The following FAM20A variants were observed in gnomAD, a reference collection of about 807,000 sequenced individuals.
FAM20A encodes FAM20A golgi associated secretory pathway pseudokinase.
Under a neutral mutation model 52.0 loss-of-function variants are expected in FAM20A, and 42 were observed. The observed-to-expected ratio is 0.81, with a 90% CI of 0.63 to 1.04. The LOEUF is 1.04. Among genes scored for constraint, FAM20A ranks in the 50% least tolerant of loss-of-function variants. The pLI is 0.00. For missense variants in FAM20A, 742 were observed against 712.7 expected (o/e 1.04, Z -0.47); for synonymous variants, 304 against 298.9 (o/e 1.02, Z -0.18).
intron 1 of FAM20A, among the ~76,000 whole-genome samples, chr17:68,583,285 A>G (rs1286333854): frequency 6.6e-6 from 1 of 152,178 alleles, no homozygotes; most frequent in Non-Finnish European, 1.5e-5. Flanking sequence ...GGCGTAAATA[A>G]CAAAAAATTC....
At chr17:68,593,325 G>C (rs1157972621) in intron 1 of FAM20A, among the ~76,000 whole-genome samples, 4 of 152,222 alleles carry the variant, frequency 2.6e-5, no homozygotes, top group Non-Finnish European at 4.4e-5. Context: ...AGCAGGGATA[G>C]CTTTGGCTAA....
In FAM20A at chr17:68,551,067, G is replaced by A. The variant is rs146572580; in HGVS notation, c.719+806C>T. The A allele has an allele frequency of 4.6e-4, 569 of 1,234,280 alleles. 1 individual carries two copies. Among genetic ancestry groups the A allele is most frequent in the Middle Eastern group, 2.7e-3 (13 of 4,840 alleles). The allele number at this position is 1,234,280 out of a possible 1,614,324, so 76.5% of individuals were successfully genotyped here. ...TGGGTAACGTGGCCCCTCTTGGGGC[G>A]ATTTTCTTTTCTGCAGGTCACCTCA... On this transcript the variant is annotated intron_variant, in intron 4 of 10. Transcript: ENST00000592554.
intron 4 of FAM20A, among the ~76,000 whole-genome samples, chr17:68,547,014 T>C (rs949729388): frequency 6.7e-6 from 1 of 149,914 alleles, no homozygotes; most frequent in African/African-American, 2.5e-5. Context: ...AGGAATCTTT[T>C]TTTTTTTCTT....
intron 4 of FAM20A, among the ~76,000 whole-genome samples, chr17:68,549,545 G>C (rs564629882): frequency 3.4e-4 from 51 of 149,998 alleles, no homozygotes; most frequent in African/African-American, 1.2e-3. Context: ...TAAAAATTTT[G>C]CTCGGAGAAC....
At chr17:68,553,406 C>T (rs1308978695) in intron 3 of FAM20A, among the ~76,000 whole-genome samples, 1 of 152,190 alleles carries the variant, frequency 6.6e-6, no homozygotes, top group Non-Finnish European at 1.5e-5. Flanking sequence ...TACATTTTGA[C>T]ACACACCATC....
intron 4 of FAM20A, among the ~76,000 whole-genome samples, chr17:68,548,304 C>T (rs985963498): frequency 1.3e-5 from 2 of 151,514 alleles, no homozygotes; most frequent in African/African-American, 2.4e-5. Flanking sequence ...CTGAGGTGGG[C>T]GGATCACCTG....
At chr17:68,554,374 T>TCCCC (rs2086994931) in intron 3 of FAM20A, among the ~76,000 whole-genome samples, 1 of 152,208 alleles carries the variant, frequency 6.6e-6, no homozygotes, top group African/African-American at 2.4e-5. Flanking sequence ...GTGCTGGGAT[T>TCCCC]ACAGGTGTGA....
intron 1 of FAM20A, among the ~76,000 whole-genome samples, chr17:68,592,352 A>T (rs1411062323): frequency 7.2e-5 from 11 of 152,238 alleles, no homozygotes; most frequent in Non-Finnish European, 1.3e-4. Context: ...ATTTATGAGT[A>T]TTCAGCCACT....
At position 68,541,301 on chromosome 17, in the gene FAM20A, C is replaced by G. The variant is rs1380475004; in HGVS notation, c.1110-343G>C. ...TCCCTCTCACCAAGCCTCTTGGACC[C>G]TGCGCCACTCATAGCACCTCCATGG... On this transcript the variant is annotated intron_variant, in intron 7 of 10. Transcript: ENST00000592554. 8.7e-6 allele frequency: 3 copies of G among 343,218 alleles called. No homozygotes were observed. In the Admixed American group the frequency reaches 1.2e-4, roughly 14 times the overall value. 21.3% of individuals were successfully genotyped at this position (343,218 alleles called of 1,614,324 possible).
chr17:68,565,383 C>CTTTTTTTTTTTTTTT (rs796800181), intron 1 of FAM20A, among the ~76,000 whole-genome samples: 13 of 103,796 alleles, frequency 1.3e-4, no homozygotes, highest in African/African-American at 4.8e-4. Flanking sequence ...CCATTACCTC[C>CTTTTTTTTTTTTTTT]TTTTTTTTTT....
chr17:68,557,958 G>A (rs7208686), intron 1 of FAM20A, among the ~76,000 whole-genome samples: 24,516 of 152,130 alleles, frequency 0.16, 2,029 homozygotes, highest in South Asian at 0.18. Flanking sequence ...ATTATGCTGC[G>A]TTGATGGCAT....
Position 68,600,700 on chromosome 17 carries a change from C to G in FAM20A, c.-34G>C, listed in dbSNP as rs1404143511. The G allele has an allele frequency of 6.6e-7, 1 of 1,525,902 alleles. No individual in the cohort carries two copies. Among genetic ancestry groups the G allele is most frequent in the South Asian group, 1.2e-5 (1 of 83,164 alleles). 94.5% of individuals were successfully genotyped at this position (1,525,902 alleles called of 1,614,324 possible). A position where few individuals can be genotyped will look rare whatever the true frequency, so the allele number is the denominator to read the frequency against. ...GGCCAAGGGGGACGCCGGGGGCAGG[C>G]CGGCTGTCTCCGGGGTCCCGGGAGG... On this transcript the variant is annotated 5_prime_UTR_variant, in exon 1 of 11. Coordinates refer to ENST00000592554, the MANE Select transcript of FAM20A (RefSeq NM_017565.4). This position sits in a 1 kb window ranked among gnomAD's most constrained non-coding sequence, Gnocchi z 6.2.
intron 5 of FAM20A, 29 bp downstream of exon 5, chr17:68,543,600 A>G (rs1278470546): frequency 6.2e-7 from 1 of 1,601,848 alleles, no homozygotes; most frequent in Non-Finnish European, 8.6e-7. Context: ...CCTTATAGGC[A>G]ATGCCATCTC....
rs1456863388 is a variant in FAM20A at position 68,600,874 on chromosome 17, T to C, written c.-208A>G. ...CCAGGTGCACGGAGCACCGGGGCTCTCGGAGTCAGCGGGCGTCGCTTCTCC... is the reference window on the plus strand; with the variant it reads ...CCAGGTGCACGGAGCACCGGGGCTCCCGGAGTCAGCGGGCGTCGCTTCTCC... On this transcript the variant is annotated 5_prime_UTR_variant, in exon 1 of 11. Transcript: ENST00000592554. The surrounding 1 kb of genome is among the most constrained non-coding windows in gnomAD (Gnocchi z 6.2). 3 of 525,996 alleles carry C rather than the reference T, an allele frequency of 5.7e-6. No homozygotes were observed. Among genetic ancestry groups the C allele is most frequent in the South Asian group, 5.9e-5 (2 of 33,896 alleles). 32.6% of individuals were successfully genotyped at this position (525,996 alleles called of 1,614,324 possible). A position where few individuals can be genotyped will look rare whatever the true frequency, so the allele number is the denominator to read the frequency against.
intron 1 of FAM20A, among the ~76,000 whole-genome samples, chr17:68,597,799 G>C (rs2088495436): frequency 6.6e-6 from 1 of 152,116 alleles, no homozygotes; most frequent in Non-Finnish European, 1.5e-5. Flanking sequence ...TTCCTCTGCT[G>C]TCCATTCTAT....
intron 1 of FAM20A, among the ~76,000 whole-genome samples, chr17:68,562,435 T>C (rs2087240796): frequency 6.6e-6 from 1 of 152,216 alleles, no homozygotes; most frequent in Non-Finnish European, 1.5e-5. Flanking sequence ...TTAGTGTGCA[T>C]GAAAAGAGCA....
intron 1 of FAM20A, among the ~76,000 whole-genome samples, chr17:68,585,109 G>T (rs903275251): frequency 1.3e-5 from 2 of 152,198 alleles, no homozygotes; most frequent in South Asian, 4.1e-4. Context: ...CCGCTGGCTC[G>T]CCTGTCACAG....
Position 68,583,319 on chromosome 17 carries a change from G to A in FAM20A, c.404+16944C>T, listed in dbSNP as rs1423940538. On this transcript the variant is annotated intron_variant, in intron 1 of 10. Coordinates refer to ENST00000592554, the MANE Select transcript of FAM20A (RefSeq NM_017565.4). ...TCCTTCTCTCAGTTCTGGAGTCTGA[G>A]AGTTTGAAATCAAGGTAGCAATAGG... 2.0e-5 allele frequency among the ~76,000 whole-genome samples: 3 copies of A among 152,146 alleles called. No individual in the cohort carries two copies. The East Asian group carries it at 5.8e-4, about 29-fold the overall frequency.
chr17:68,547,314 C>T (rs2086616744), intron 4 of FAM20A, among the ~76,000 whole-genome samples: 1 of 152,114 alleles, frequency 6.6e-6, no homozygotes, highest in Non-Finnish European at 1.5e-5. Context: ...GGTACATGTG[C>T]ACAACATGCA....
Sources: gnomAD v4.1 joint callset for allele counts (sites outside exome capture counted in the v4.1 genomes callset) on GRCh38, gnomAD v4.1.1 for gene constraint, Gnocchi (gnomAD v3.1) non-coding constraint, MANE v1.5 for transcripts, NCBI Gene and HGNC (gene_info 2026-07-23, HGNC 2026-07-21) for gene names.